Variants in DPP6 observed in about 807,000 individuals in gnomAD.
The protein encoded by DPP6 is A-type potassium channel modulatory protein DPP6.
A neutral mutation model predicts 122.6 loss-of-function variants in DPP6; 69 were observed. The ratio of observed to expected loss-of-function variants is 0.56; its 90% CI spans 0.46 to 0.69. The LOEUF (loss-of-function observed/expected upper bound fraction) is 0.69, where lower values mean the gene tolerates loss of function less well. Ranked by LOEUF, DPP6 falls within the 30% of genes least tolerant of loss-of-function variation. The pLI, the probability that DPP6 is intolerant of heterozygous loss-of-function variation, is 0.00. For synonymous variants in DPP6, 418 were observed against 433.1 expected (o/e 0.97, Z 0.43); for missense variants, 928 against 1,116.9 (o/e 0.83, Z 2.41).
intron 25 of DPP6, chr7:154,890,375 A>C (rs1806494830): frequency 6.6e-6 from 1 of 152,288 alleles, no homozygotes; most frequent in Non-Finnish European, 1.5e-5. Context: ...TCAGGCAGGG[A>C]GAGCTCCAGC....
chr7:154,640,251 A>AAAC (rs1340016700), intron 6 of DPP6, among the ~76,000 whole-genome samples: 2 of 14,862 alleles, frequency 1.3e-4, no homozygotes, highest in Non-Finnish European at 3.3e-4. Flanking sequence ...AGACTCTGTC[A>AAAC]AACAAAAACA....
chr7:154,664,803 A>G (rs2131075768), intron 6 of DPP6, among the ~76,000 whole-genome samples: 1 of 152,252 alleles, frequency 6.6e-6, no homozygotes, highest in African/African-American at 2.4e-5. Context: ...ATTTTGAATA[A>G]TTGTAGACAC....
intron 1 of DPP6, among the ~76,000 whole-genome samples, chr7:154,164,858 A>C (rs1272669626): frequency 2.0e-5 from 3 of 152,074 alleles, no homozygotes; most frequent in African/African-American, 7.2e-5. Flanking sequence ...TCATCCATCC[A>C]TCAGTTGCTG....
At chr7:153,902,751 G>C (rs749641084) in intron 1 of DPP6, among the ~76,000 whole-genome samples, 1 of 151,958 alleles carries the variant, frequency 6.6e-6, no homozygotes, top group East Asian at 1.9e-4. Context: ...CAGGAGTATC[G>C]CTTGAACCTG....
chr7:154,462,986 AT>A (rs1415911361), intron 2 of DPP6, among the ~76,000 whole-genome samples: 7 of 151,378 alleles, frequency 4.6e-5, no homozygotes, highest in African/African-American at 1.7e-4. Flanking sequence ...ATCAGTTCTA[AT>A]TTTTTTTAGT....
chr7:154,580,741 C>T (rs577380970), intron 5 of DPP6, among the ~76,000 whole-genome samples: 1 of 152,142 alleles, frequency 6.6e-6, no homozygotes, highest in South Asian at 2.1e-4. Flanking sequence ...GAGGAGGATC[C>T]GGGGTGAAGA....
intron 1 of DPP6, among the ~76,000 whole-genome samples, chr7:154,240,146 G>GT (rs1417964442): frequency 6.6e-6 from 1 of 151,548 alleles, no homozygotes; most frequent in African/African-American, 2.4e-5. Flanking sequence ...GTTCAGAGTT[G>GT]TAATTATTAT....
chr7:153,877,275 A>C, the DPP6 span, among the ~76,000 whole-genome samples: 1 of 152,060 alleles, frequency 6.6e-6, no homozygotes, highest in Non-Finnish European at 1.5e-5. Context: ...AATCATACAG[A>C]TATTTTCTTT....
chr7:154,163,406 CT>C (rs973459904), intron 1 of DPP6, among the ~76,000 whole-genome samples: 1 of 152,206 alleles, frequency 6.6e-6, no homozygotes, highest in African/African-American at 2.4e-5. Flanking sequence ...TTTTTTGTTT[CT>C]TTTTTATTTA....
chr7:154,229,356 G>A (rs2150846750), intron 1 of DPP6, among the ~76,000 whole-genome samples: 2 of 152,296 alleles, frequency 1.3e-5, no homozygotes, highest in South Asian at 4.1e-4. Context: ...AATTTCCATT[G>A]AAAGCTCTGC....
chr7:154,284,517 A>T lies in DPP6; in HGVS notation c.244-161697A>T, dbSNP rs144099504. Among the ~76,000 whole-genome samples the T allele has an allele frequency of 5.5e-3, 840 of 152,322 alleles. 4 individuals carry two copies. The highest frequency in any genetic ancestry group is 0.017 in the African/African-American group (722 of 41,574). ...GGAATATTATTCAGCCTTAAAAAGA[A>T]ATGAAGTTCTGATACATGTTACAAC... is the stretch of plus-strand genomic sequence containing the variant. On this transcript the variant is annotated intron_variant, in intron 1 of 25. Transcript: ENST00000377770.
the DPP6 span, among the ~76,000 whole-genome samples, chr7:153,788,976 A>G: frequency 6.6e-6 from 1 of 152,052 alleles, no homozygotes; most frequent in Non-Finnish European, 1.5e-5. Context: ...AAAAAAAAAA[A>G]AAAAAGTATT....
the DPP6 span, among the ~76,000 whole-genome samples, chr7:153,871,880 C>T: frequency 6.6e-6 from 1 of 152,140 alleles, no homozygotes; most frequent in Admixed American, 6.5e-5. Flanking sequence ...CTGTTTGTAC[C>T]TTTTCGTCAC....
chr7:154,869,456 G>A (rs1436284871), intron 18 of DPP6, among the ~76,000 whole-genome samples: 1 of 152,274 alleles, frequency 6.6e-6, no homozygotes, highest in Non-Finnish European at 1.5e-5. Flanking sequence ...ATGTGGGAAT[G>A]CTCACGGAAC....
intron 4 of DPP6, among the ~76,000 whole-genome samples, chr7:154,558,434 G>A (rs1296815603): frequency 6.6e-6 from 1 of 152,142 alleles, no homozygotes; most frequent in South Asian, 2.1e-4. Context: ...GAGACCCCAG[G>A]AAAGTAGTTT....
rs192572878 is a variant in DPP6, at chr7:154,704,343, A to T, written c.763-23424A>T. Among the ~76,000 whole-genome samples the T allele has an allele frequency of 1.5e-4, 23 of 152,350 alleles. No homozygotes were observed. In the East Asian group the frequency reaches 1.9e-3, roughly 13 times the overall value. On this transcript the variant is annotated intron_variant, in intron 7 of 25. Transcript: ENST00000377770. Reference sequence around the variant, plus strand: ...GAGATGAAATATACTCCTGGTGAAGATGCTAAGAATATTGTGGAAATGACA... The same window carrying T: ...GAGATGAAATATACTCCTGGTGAAGTTGCTAAGAATATTGTGGAAATGACA...
At chr7:154,818,479 ACT>A (rs1160477566) in intron 16 of DPP6, among the ~76,000 whole-genome samples, 5 of 152,170 alleles carry the variant, frequency 3.3e-5, no homozygotes, top group Non-Finnish European at 1.5e-5. Flanking sequence ...TTTGCTAATA[ACT>A]CATGCCTAAC....
At chr7:153,841,698 G>GA in the DPP6 span, among the ~76,000 whole-genome samples, 4 of 152,196 alleles carry the variant, frequency 2.6e-5, no homozygotes, top group Admixed American at 1.3e-4. Context: ...GAGTCAGCTG[G>GA]AAAAAAGAAG....
intron 1 of DPP6, among the ~76,000 whole-genome samples, chr7:154,389,059 T>C (rs1814376774): frequency 1.3e-5 from 2 of 152,200 alleles, no homozygotes; most frequent in African/African-American, 4.8e-5. Context: ...GTCGTTCACC[T>C]TGATGGATTA....
Sources: allele counts gnomAD v4.1 joint callset (sites outside exome capture counted in the v4.1 genomes callset), GRCh38; gene constraint gnomAD v4.1.1; transcripts MANE v1.5; gene names NCBI Gene and HGNC (gene_info 2026-07-23, HGNC 2026-07-21).